The following TMEM255B variants were observed in gnomAD, a reference collection of about 807,000 sequenced individuals.
TMEM255B encodes the protein transmembrane protein 255B, also known as family with sequence similarity 70, member B.
TMEM255B carries 35 observed loss-of-function variants against 34.5 expected under a neutral mutation model. That is an observed-to-expected ratio of 1.01 (90% CI 0.77 to 1.34). The LOEUF is 1.34. Among genes scored for constraint, TMEM255B ranks in the 40% most tolerant of loss-of-function variants. The pLI, the probability that TMEM255B is intolerant of heterozygous loss-of-function variation, is 0.00. For synonymous variants in TMEM255B, 206 were observed against 201.2 expected (o/e 1.02, Z -0.20); for missense variants, 432 against 433.2 (o/e 1.00, Z 0.02).
At chr13:113,808,816 C>T (rs2051240261) in intron 8 of TMEM255B, among the ~76,000 whole-genome samples, 1 of 96,772 alleles carries the variant, frequency 1.0e-5, no homozygotes, top group African/African-American at 4.3e-5. Context: ...CTCCATGTTT[C>T]CTGGGGGTTT....
At position 113,801,509 on chromosome 13, in the gene TMEM255B, A is replaced by G. The variant is rs564706229; in HGVS notation, c.510-144A>G. On this transcript the variant is annotated intron_variant, in intron 6 of 8. Transcript: ENST00000375353. Reference sequence around the variant, plus strand: ...ATCAGACATAGGTTTGATCTCCCAGAGCAGTGCAGGGATGGGCGTTGACTG... The same window carrying G: ...ATCAGACATAGGTTTGATCTCCCAGGGCAGTGCAGGGATGGGCGTTGACTG... 4.9e-4 allele frequency: 451 copies of G among 923,070 alleles called. 7 individuals are homozygous for G. The East Asian group carries it at 0.01, about 21-fold the overall frequency. 57.2% of individuals were successfully genotyped at this position (923,070 alleles called of 1,614,324 possible).
At chr13:113,804,715 C>T (rs1566330973) in intron 7 of TMEM255B, among the ~76,000 whole-genome samples, 170 bp from the exon 8 acceptor site, 3 of 142,184 alleles carry the variant, frequency 2.1e-5, no homozygotes, top group Non-Finnish European at 3.1e-5. Context: ...TGGGTATAAA[C>T]GCACGCCGGG....
chr13:113,804,398 G>A (rs543915385), intron 7 of TMEM255B, among the ~76,000 whole-genome samples: 7 of 152,246 alleles, frequency 4.6e-5, no homozygotes, highest in East Asian at 1.9e-4. Context: ...CTTCTGTGCC[G>A]AAAAAGCAGA....
At chr13:113,759,373 G>A (rs1241101644) in intron 1 of TMEM255B, 58 bp downstream of exon 1, 7 of 1,223,114 alleles carry the variant, frequency 5.7e-6, no homozygotes, top group Non-Finnish European at 7.1e-6. Flanking sequence ...GGGACCCCGG[G>A]GCTGGGACTA....
At chr13:113,763,095 G>C (rs1003058224) in intron 1 of TMEM255B, among the ~76,000 whole-genome samples, 3 of 152,210 alleles carry the variant, frequency 2.0e-5, no homozygotes, top group Non-Finnish European at 2.9e-5. Flanking sequence ...CTAGCATTTG[G>C]CTGCATTGGC....
rs942321246 is a variant in TMEM255B, at chr13:113,802,897, G to A, written c.669+1085G>A. Among the ~76,000 whole-genome samples the A allele has an allele frequency of 5.4e-5, 8 of 148,014 alleles. 1 individual carries two copies. Among genetic ancestry groups the A allele is most frequent in the African/African-American group, 1.7e-4 (7 of 40,572 alleles). Reference sequence around the variant, plus strand: ...GGGTCCTTGCTCTGTGGTGACAGCCGGCCGGCCCCTGCGGTGGGAGCGGGA... The same window carrying A: ...GGGTCCTTGCTCTGTGGTGACAGCCAGCCGGCCCCTGCGGTGGGAGCGGGA... On this transcript the variant is annotated intron_variant, in intron 7 of 8. Transcript: ENST00000375353.
chr13:113,800,862 G>A lies in TMEM255B; in HGVS notation c.459G>A (p.Leu153=), dbSNP rs1340381695. ...ACTCCCTGGACGGCAAGTGCCAGCT[G>A]AAGGTGAGAAGCAACACCTGTTACT... ...TCHSLDGKCQ[L]KVRSNTCYCC... is the part of the protein sequence containing the mutation. Residue 153 remains leucine, a synonymous_variant, in exon 6 of 9, where the codon CTG becomes CTA. Coordinates refer to ENST00000375353, the MANE Select transcript of TMEM255B (RefSeq NM_182614.4). The A allele has an allele frequency of 6.2e-7, 1 of 1,610,680 alleles. No homozygotes were observed.
intron 3 of TMEM255B, among the ~76,000 whole-genome samples, chr13:113,791,689 C>T (rs572810694): frequency 3.3e-5 from 5 of 152,154 alleles, no homozygotes; most frequent in African/African-American, 1.2e-4. Context: ...CACAGTTGTG[C>T]GGATTAGAAG....
intron 3 of TMEM255B, among the ~76,000 whole-genome samples, chr13:113,784,074 C>G (rs2050704392): frequency 6.6e-6 from 1 of 152,032 alleles, no homozygotes; most frequent in Non-Finnish European, 1.5e-5. Flanking sequence ...TTGGGCCAGG[C>G]CGTGTTACCA....
At position 113,814,803 on chromosome 13, in the gene TMEM255B, C is replaced by G. The variant is rs866439537; in HGVS notation, c.*2900C>G. 1 of 137,644 alleles carries G rather than the reference C, an allele frequency of 7.3e-6. No individual in the cohort carries two copies. The highest frequency in any genetic ancestry group is 1.5e-5 in the Non-Finnish European group (1 of 65,120). 8.5% of individuals were successfully genotyped at this position (137,644 alleles called of 1,614,324 possible). A position where few individuals can be genotyped will look rare whatever the true frequency, so the allele number is the denominator to read the frequency against. ...CCCTCACTTGGTTCCCATGCACAGCCGAGGTCAGTGAGACCCTGGAGGCCG... is the reference window on the plus strand; with the variant it reads ...CCCTCACTTGGTTCCCATGCACAGCGGAGGTCAGTGAGACCCTGGAGGCCG... On this transcript the variant is annotated 3_prime_UTR_variant, in exon 9 of 9. Coordinates refer to ENST00000375353, the MANE Select transcript of TMEM255B (RefSeq NM_182614.4).
At chr13:113,798,567 TG>T (rs1053897273) in intron 4 of TMEM255B, among the ~76,000 whole-genome samples, 7 of 144,746 alleles carry the variant, frequency 4.8e-5, no homozygotes, top group African/African-American at 1.6e-4. Flanking sequence ...GGATGATGGA[TG>T]GATACATAGA....
chr13:113,774,229 T>G (rs2050522202), intron 3 of TMEM255B, among the ~76,000 whole-genome samples: 1 of 152,188 alleles, frequency 6.6e-6, no homozygotes, highest in Non-Finnish European at 1.5e-5. Flanking sequence ...AATCTGATCA[T>G]TAGGAATGGC....
rs1566342155 is a variant in TMEM255B at position 113,812,961 on chromosome 13, G to GGTCCCGAGTGGGTCACA, written c.*1059_*1060insTCCCGAGTGGGTCACAG. 1 of 102,530 alleles carries GGTCCCGAGTGGGTCACA rather than the reference G, an allele frequency of 9.8e-6. No homozygotes were observed. Among genetic ancestry groups the GGTCCCGAGTGGGTCACA allele is most frequent in the African/African-American group, 4.5e-5 (1 of 21,994 alleles). 6.4% of individuals were successfully genotyped at this position (102,530 alleles called of 1,614,324 possible). A position where few individuals can be genotyped will look rare whatever the true frequency, so the allele number is the denominator to read the frequency against. On this transcript the variant is annotated 3_prime_UTR_variant, in exon 9 of 9. Coordinates refer to ENST00000375353, the MANE Select transcript of TMEM255B (RefSeq NM_182614.4). ...GGGTCACGGGTCCCGGGTGGGTCACGGGCCCCGGGTGGGTCACGGGTCCCG... is the reference window on the plus strand; with the variant it reads ...GGGTCACGGGTCCCGGGTGGGTCACGGTCCCGAGTGGGTCACAGGCCCCGGGTGGGTCACGGGTCCCG...
chr13:113,785,371 C>T (rs2050725090), intron 3 of TMEM255B, among the ~76,000 whole-genome samples: 1 of 152,196 alleles, frequency 6.6e-6, no homozygotes, highest in Non-Finnish European at 1.5e-5. Flanking sequence ...GCCCTCCAGG[C>T]AAAACACTGC....
chr13:113,807,403 T>C (rs112240509), intron 8 of TMEM255B, among the ~76,000 whole-genome samples: 2,335 of 83,032 alleles, frequency 0.028, 37 homozygotes, highest in East Asian at 0.059. Flanking sequence ...CTGTCACACG[T>C]GGGCTTACGG....
intron 3 of TMEM255B, among the ~76,000 whole-genome samples, chr13:113,784,624 CGGTT>C: frequency 6.6e-6 from 1 of 152,258 alleles, no homozygotes; most frequent in South Asian, 2.1e-4. Flanking sequence ...CCATTGTGAG[CGGTT>C]GGAGGTGGAT....
intron 3 of TMEM255B, among the ~76,000 whole-genome samples, chr13:113,773,853 G>A (rs1006291683): frequency 4.6e-5 from 7 of 152,224 alleles, no homozygotes; most frequent in Non-Finnish European, 4.4e-5. Context: ...TCGAGAAAGC[G>A]GTGGTCATTG....
chr13:113,772,811 A>G (rs2050499707), intron 3 of TMEM255B, among the ~76,000 whole-genome samples: 1 of 152,230 alleles, frequency 6.6e-6, no homozygotes, highest in Non-Finnish European at 1.5e-5. Flanking sequence ...CTGTAGCTTT[A>G]GAGTGAGTTT....
intron 3 of TMEM255B, among the ~76,000 whole-genome samples, chr13:113,773,563 C>T (rs1293430899): frequency 6.6e-6 from 1 of 152,226 alleles, no homozygotes; most frequent in Admixed American, 6.5e-5. Flanking sequence ...CACCCGGATG[C>T]CCCAGACCAG....
Sources: gnomAD v4.1 joint callset for allele counts (sites outside exome capture counted in the v4.1 genomes callset) on GRCh38, gnomAD v4.1.1 for gene constraint, MANE v1.5 for transcripts, NCBI Gene and HGNC (gene_info 2026-07-23, HGNC 2026-07-21) for gene names.